GRK4: variants seen among roughly 807,000 people sequenced by gnomAD.
The protein encoded by GRK4 is G protein-coupled receptor kinase 2-like.
GRK4 carries 73 observed loss-of-function variants against 77.9 expected under a neutral mutation model. That is an observed-to-expected ratio of 0.94 (90% CI 0.78 to 1.14). GRK4 has a LOEUF of 1.14. GRK4 is among the 50% of genes most tolerant of loss of function. The probability of loss-of-function intolerance (pLI) is 0.00; values close to 1 mark genes in which losing one functional copy is unlikely to be tolerated. For missense variants in GRK4, 729 were observed against 700.2 expected, an observed-to-expected ratio of 1.04 and a Z score of -0.46; for synonymous variants, 257 against 254.4, an observed-to-expected ratio of 1.01 and a Z score of -0.10.
intron 6 of GRK4, among the ~76,000 whole-genome samples, chr4:3,008,326 C>G (rs1731908954): frequency 6.6e-6 from 1 of 152,184 alleles, no homozygotes; most frequent in Non-Finnish European, 1.5e-5. Context: ...AAACCCTGCT[C>G]AGCCTCTTAC....
rs556244796 is a variant in GRK4, at chr4:3,008,878, G to A, written c.537-770G>A. On this transcript the variant is annotated intron_variant, in intron 6 of 15. Transcript: ENST00000398052. Reference sequence around the variant, plus strand: ...TTATTATTGATTGATTAAATTTCCAGTTCTTGCTTATACATGCTGTTTTTG... The same window carrying A: ...TTATTATTGATTGATTAAATTTCCAATTCTTGCTTATACATGCTGTTTTTG... Among the ~76,000 whole-genome samples the A allele has an allele frequency of 2.0e-4, 31 of 151,956 alleles. No homozygotes were observed. In the South Asian group the frequency reaches 3.7e-3, roughly 18 times the overall value.
At chr4:2,972,466 A>G (rs1282007547) in intron 1 of GRK4, among the ~76,000 whole-genome samples, 4 of 152,060 alleles carry the variant, frequency 2.6e-5, no homozygotes, top group Non-Finnish European at 5.9e-5. Flanking sequence ...GGAACTGAGG[A>G]CAGCTGAATG....
At chr4:3,004,412 G>T in intron 5 of GRK4, 78 bp downstream of exon 5, 1 of 912,730 alleles carries the variant, frequency 1.1e-6, no homozygotes, top group Non-Finnish European at 1.8e-6. Context: ...AGGTTTCTCT[G>T]CATAAGACAA....
intron 8 of GRK4, among the ~76,000 whole-genome samples, chr4:3,014,296 C>CTTTTTGTT (rs1733803741): frequency 8.4e-6 from 1 of 119,000 alleles, no homozygotes; most frequent in African/African-American, 3.4e-5. Flanking sequence ...CTCTCTCTCT[C>CTTTTTGTT]TTTTTTTTTT....
intron 1 of GRK4, among the ~76,000 whole-genome samples, chr4:2,981,098 C>T (rs987945847): frequency 3.7e-4 from 57 of 152,180 alleles, no homozygotes; most frequent in African/African-American, 1.2e-3. Flanking sequence ...AATGCGGTGG[C>T]GCCCAGAAGC....
chr4:3,026,971 A>T (rs918852206), intron 10 of GRK4, among the ~76,000 whole-genome samples: 1 of 152,258 alleles, frequency 6.6e-6, no homozygotes, highest in Non-Finnish European at 1.5e-5. Context: ...TAAGTGGTGA[A>T]TAAGTTGAAG....
chr4:2,989,066 C>T lies in GRK4; in HGVS notation c.261+227C>T, dbSNP rs577436443. On this transcript the variant is annotated intron_variant, in intron 3 of 15. Coordinates refer to ENST00000398052, the MANE Select transcript of GRK4 (RefSeq NM_182982.3). ...GCGTGGTGGCGCGTGCCTGTAGTCCCAGCTACTTGGGAGGCTGAGGCAGGG... is the reference window on the plus strand; with the variant it reads ...GCGTGGTGGCGCGTGCCTGTAGTCCTAGCTACTTGGGAGGCTGAGGCAGGG... 3.3e-5 allele frequency among the ~76,000 whole-genome samples: 5 copies of T among 152,202 alleles called. No homozygotes were observed. In the East Asian group the frequency reaches 9.7e-4, roughly 29 times the overall value.
chr4:2,992,423 T>C, intron 4 of GRK4, 131 bp downstream of exon 4: 1 of 576,128 alleles, frequency 1.7e-6, no homozygotes, highest in East Asian at 3.2e-5. Context: ...CTGACGCCTG[T>C]AATCCCAGCA....
In GRK4 at chr4:3,022,448, C is replaced by T. The variant is rs778034681; in HGVS notation, c.967C>T (p.Arg323Cys). The change falls in exon 10 of 16, where the codon CGT becomes TGT. Residue 323 changes from arginine (R) to cysteine (C), a missense_variant. Transcript: ENST00000398052. ...GCCTGAGAATATTCTCCTTGATGAT[C>T]GTGGTAAGTGGGCAAGCCTTTCACA... is the stretch of plus-strand genomic sequence containing the variant. ...LKPENILLDD[R>C]GHIRISDLGL... The T allele has an allele frequency of 4.3e-5, 70 of 1,613,626 alleles. No individual in the cohort carries two copies. The highest frequency in any genetic ancestry group is 6.7e-5 in the Admixed American group (4 of 59,954).
At chr4:3,015,979 G>T (rs1578266294) in intron 8 of GRK4, among the ~76,000 whole-genome samples, 1 of 150,418 alleles carries the variant, frequency 6.6e-6, no homozygotes, top group East Asian at 2.1e-4. Flanking sequence ...CGCGATCTTG[G>T]CTCACTGCAA....
chr4:3,025,994 G>GCC (rs1474923365), intron 10 of GRK4, among the ~76,000 whole-genome samples: 1 of 152,236 alleles, frequency 6.6e-6, no homozygotes, highest in Non-Finnish European at 1.5e-5. Flanking sequence ...CGTCTGCTGT[G>GCC]CCTCCTGCAG....
At chr4:3,040,012 C>G (rs1420899996) in intron 15 of GRK4, among the ~76,000 whole-genome samples, 5 of 152,170 alleles carry the variant, frequency 3.3e-5, no homozygotes, top group Non-Finnish European at 7.4e-5. Flanking sequence ...AGCCAGAGAC[C>G]CTGTGACATT....
chr4:2,987,721 A>G (rs1021124696), intron 2 of GRK4, among the ~76,000 whole-genome samples: 11 of 152,070 alleles, frequency 7.2e-5, no homozygotes, highest in Admixed American at 1.3e-4. Context: ...TGGGTGGATC[A>G]CTTGAAGTCA....
chr4:2,975,930 A>C (rs1721002232), intron 1 of GRK4, among the ~76,000 whole-genome samples: 1 of 152,196 alleles, frequency 6.6e-6, no homozygotes, highest in Admixed American at 6.5e-5. Context: ...CACCATGCTG[A>C]AAGTTGTTTG....
chr4:3,008,428 G>T (rs1004017733), intron 6 of GRK4, among the ~76,000 whole-genome samples: 3 of 152,126 alleles, frequency 2.0e-5, no homozygotes, highest in African/African-American at 7.2e-5. Context: ...CTGCCTCCTT[G>T]GACCATTGCT....
chr4:3,017,534 G>A (rs1001751599), intron 8 of GRK4, among the ~76,000 whole-genome samples: 3 of 152,204 alleles, frequency 2.0e-5, no homozygotes, highest in African/African-American at 7.2e-5. Flanking sequence ...CACAAGAGGA[G>A]AGAAAGTAAG....
At chr4:2,984,757 A>G (rs1723783573) in intron 2 of GRK4, 149 bp downstream of exon 2, 2 of 412,320 alleles carry the variant, frequency 4.9e-6, no homozygotes, top group Non-Finnish European at 8.8e-6. Context: ...AGGAAAAAAA[A>G]TCCTTTAGAT....
intron 12 of GRK4, among the ~76,000 whole-genome samples, chr4:3,031,170 G>T (rs1739065532): frequency 6.6e-6 from 1 of 152,198 alleles, no homozygotes; most frequent in Non-Finnish European, 1.5e-5. Context: ...CGCACGGGGA[G>T]TGTGTGGGCA....
Position 3,029,311 on chromosome 4 carries a change from G to A in GRK4, c.1171G>A (p.Glu391Lys). The part of the protein sequence containing the change: ...QGHSPFKKYK[E>K]KVKWEEVDQR... ...ACATTCTCCATTCAAAAAATACAAA[G>A]AGAAAGTCAAATGGGAGGAGGTCGA... The change falls in exon 12 of 16, where the codon GAG becomes AAG. Residue 391 changes from glutamate (E) to lysine (K), a missense_variant. Transcript: ENST00000398052. 1 of 1,614,134 alleles carries A rather than the reference G, an allele frequency of 6.2e-7. No individual in the cohort carries two copies.
Sources: gnomAD v4.1 joint callset for allele counts (sites outside exome capture counted in the v4.1 genomes callset) on GRCh38, gnomAD v4.1.1 for gene constraint, MANE v1.5 for transcripts, NCBI Gene and HGNC (gene_info 2026-07-23, HGNC 2026-07-21) for gene names.